The following TBC1D1 variants were observed in gnomAD, a reference collection of about 807,000 sequenced individuals.
The protein encoded by TBC1D1 is TBC1 (tre-2/USP6, BUB2, cdc16) domain family, member 1.
Under a neutral mutation model 125.6 loss-of-function variants are expected in TBC1D1, and 89 were observed. The ratio of observed to expected loss-of-function variants is 0.71; its 90% CI spans 0.60 to 0.85. The LOEUF is 0.85. TBC1D1 is among the 40% of genes least tolerant of loss of function. The probability of loss-of-function intolerance (pLI) is 0.00; values close to 1 mark genes in which losing one functional copy is unlikely to be tolerated. For synonymous variants in TBC1D1, 565 were observed against 564.1 expected (o/e 1.00, Z -0.02); for missense variants, 1,377 against 1,469.2 (o/e 0.94, Z 1.03).
rs779646546 is a variant in TBC1D1 at position 38,137,160 on chromosome 4, T to C, written c.3332T>C (p.Leu1111Pro). The change falls in exon 20 of 20, where the codon CTT (leucine) becomes CCT (proline). Residue 1111 changes from leucine to proline, a missense_variant. Coordinates refer to ENST00000261439, the MANE Select transcript of TBC1D1 (RefSeq NM_015173.4). Reference sequence around the variant, plus strand: ...GTGGCAAATGGTAGGATCCAAAGCCTTGAGGCCACCATTGAGAAGCTCCTG... The same window carrying C: ...GTGGCAAATGGTAGGATCCAAAGCCCTGAGGCCACCATTGAGAAGCTCCTG... 6.2e-7 allele frequency: 1 copy of C among 1,613,408 alleles called. No homozygotes were observed. The highest frequency in any genetic ancestry group is 8.5e-7 in the Non-Finnish European group (1 of 1,180,050).
chr4:37,991,002 G>T (rs1736426511), intron 2 of TBC1D1, among the ~76,000 whole-genome samples: 2 of 146,000 alleles, frequency 1.4e-5, no homozygotes, highest in Non-Finnish European at 3.0e-5. Flanking sequence ...CTACTCTGTG[G>T]CAGGCACTTG....
At chr4:38,030,751 G>C (rs1045795623) in intron 7 of TBC1D1, among the ~76,000 whole-genome samples, 2 of 152,160 alleles carry the variant, frequency 1.3e-5, no homozygotes, top group African/African-American at 4.8e-5. Context: ...AGGGGAATTT[G>C]TTTCGGAAAA....
intron 2 of TBC1D1, among the ~76,000 whole-genome samples, chr4:37,975,258 A>G (rs1430467609): frequency 6.6e-6 from 1 of 152,214 alleles, no homozygotes; most frequent in Non-Finnish European, 1.5e-5. Flanking sequence ...GAGAAGAGAA[A>G]GAGAGAGACA....
chr4:37,902,817 G>A (rs1330214916), intron 2 of TBC1D1, among the ~76,000 whole-genome samples: 3 of 152,220 alleles, frequency 2.0e-5, no homozygotes, highest in Admixed American at 1.3e-4. Flanking sequence ...CTAAAGCCAT[G>A]CCTCTCAAAC....
intron 2 of TBC1D1, among the ~76,000 whole-genome samples, chr4:37,949,368 A>T (rs951300474): frequency 6.6e-6 from 1 of 152,180 alleles, no homozygotes; most frequent in Non-Finnish European, 1.5e-5. Flanking sequence ...TATTAGGTTG[A>T]TGTATTTTTT....
At chr4:38,124,578 C>T (rs1207082232) in intron 17 of TBC1D1, among the ~76,000 whole-genome samples, 1 of 152,184 alleles carries the variant, frequency 6.6e-6, no homozygotes, top group Non-Finnish European at 1.5e-5. Flanking sequence ...TTCACTTACT[C>T]TATCTTAATT....
intron 17 of TBC1D1, among the ~76,000 whole-genome samples, chr4:38,119,612 A>C (rs1763530192): frequency 6.6e-6 from 1 of 152,150 alleles, no homozygotes; most frequent in African/African-American, 2.4e-5. Context: ...TCTAGGCTTT[A>C]AGCTTTCTTG....
Position 37,900,430 on chromosome 4 carries a change from A to G in TBC1D1, c.-93-1573A>G, listed in dbSNP as rs548781335. Among the ~76,000 whole-genome samples, 9 of 148,606 alleles carry G rather than the reference A, an allele frequency of 6.1e-5. No homozygotes were observed. The East Asian group carries it at 1.6e-3, about 26-fold the overall frequency. On this transcript the variant is annotated intron_variant, in intron 1 of 19. Coordinates refer to ENST00000261439, the MANE Select transcript of TBC1D1 (RefSeq NM_015173.4). ...ATCTTTTTTTTTTTTTTTCGATTGGAGAGACCTCAGTTATTCTTTTAAAAT... is the reference window on the plus strand; with the variant it reads ...ATCTTTTTTTTTTTTTTTCGATTGGGGAGACCTCAGTTATTCTTTTAAAAT...
intron 12 of TBC1D1, among the ~76,000 whole-genome samples, chr4:38,088,082 A>G (rs965589003): frequency 2.0e-5 from 3 of 151,862 alleles, no homozygotes; most frequent in South Asian, 2.1e-4. Context: ...TATGCTTCCA[A>G]TGTGAGGTAA....
At chr4:37,951,955 C>G in intron 2 of TBC1D1, 1 of 717,342 alleles carries the variant, frequency 1.4e-6, no homozygotes, top group Non-Finnish European at 2.6e-6. Context: ...AACCTACATA[C>G]TGACACCTAT....
At chr4:38,019,932 T>C (rs1206911761) in intron 4 of TBC1D1, among the ~76,000 whole-genome samples, 2 of 152,342 alleles carry the variant, frequency 1.3e-5, no homozygotes, top group East Asian at 3.9e-4. Context: ...TGTATGTGCT[T>C]AGTTGTGTTT....
intron 6 of TBC1D1, 28 bp from the exon 7 acceptor site, chr4:38,027,760 T>C (rs559542615): frequency 6.5e-7 from 1 of 1,545,062 alleles, no homozygotes; most frequent in East Asian, 2.2e-5. Flanking sequence ...ATAGAATTTT[T>C]TCATGCCTCT....
chr4:38,116,103 C>T lies in TBC1D1; in HGVS notation c.2802+149C>T, dbSNP rs1384414676. ...AAAGGACTCTGTGCTAGGCATTATT[C>T]CAAGCGCTTCATCTGCACTTCCCTC... On this transcript the variant is annotated intron_variant, in intron 16 of 19. Transcript: ENST00000261439. 3.7e-6 allele frequency: 3 copies of T among 801,766 alleles called. No individual in the cohort carries two copies. The African/African-American group carries it at 5.8e-5, about 15-fold the overall frequency. 49.7% of individuals were successfully genotyped at this position (801,766 alleles called of 1,614,324 possible). A position where few individuals can be genotyped will look rare whatever the true frequency, so the allele number is the denominator to read the frequency against.
chr4:38,040,885 C>T lies in TBC1D1; in HGVS notation c.1414-3477C>T, dbSNP rs111943630. On this transcript the variant is annotated intron_variant, in intron 8 of 19. Transcript: ENST00000261439. Reference sequence around the variant, plus strand: ...CACTATTTGCTGAGTGAGTCTGTTACCTTAGGCGTGTATTTCCCGTGGACC... The same window carrying T: ...CACTATTTGCTGAGTGAGTCTGTTATCTTAGGCGTGTATTTCCCGTGGACC... 3.6e-3 allele frequency among the ~76,000 whole-genome samples: 552 copies of T among 152,314 alleles called. 4 individuals are homozygous for T. The highest frequency in any genetic ancestry group is 0.013 in the African/African-American group (526 of 41,556).
intron 2 of TBC1D1, among the ~76,000 whole-genome samples, chr4:37,949,044 GT>G (rs1380711116): frequency 6.6e-6 from 1 of 152,146 alleles, no homozygotes; most frequent in Non-Finnish European, 1.5e-5. Context: ...GTTGCTTTCA[GT>G]TTTTGGCTAT....
intron 2 of TBC1D1, among the ~76,000 whole-genome samples, chr4:37,987,360 C>T (rs1414245495): frequency 6.6e-6 from 1 of 151,484 alleles, no homozygotes; most frequent in African/African-American, 2.4e-5. Context: ...CGTGTCCTAG[C>T]TAATAAGATT....
intron 2 of TBC1D1, among the ~76,000 whole-genome samples, chr4:37,966,302 A>T (rs1213774165): frequency 1.3e-5 from 2 of 152,180 alleles, no homozygotes; most frequent in Non-Finnish European, 2.9e-5. Flanking sequence ...ACTTTAGATG[A>T]CTCCTGACCC....
intron 7 of TBC1D1, among the ~76,000 whole-genome samples, chr4:38,029,632 G>A (rs1745756275): frequency 6.6e-6 from 1 of 152,182 alleles, no homozygotes. Context: ...CTCCCAAAGT[G>A]CTGGGATTAC....
intron 2 of TBC1D1, among the ~76,000 whole-genome samples, chr4:37,948,356 G>C (rs1267783101): frequency 6.6e-6 from 1 of 152,208 alleles, no homozygotes; most frequent in East Asian, 1.9e-4. Flanking sequence ...GCTGGGCGTG[G>C]TGGCTCACGC....
Sources: gnomAD v4.1 joint callset for allele counts (sites outside exome capture counted in the v4.1 genomes callset) on GRCh38, gnomAD v4.1.1 for gene constraint, MANE v1.5 for transcripts, NCBI Gene and HGNC (gene_info 2026-07-23, HGNC 2026-07-21) for gene names.